REC114: variants seen among roughly 807,000 people sequenced by gnomAD.
REC114 encodes REC114 meiotic recombination protein, also known as meiotic recombination protein REC114.
Under a neutral mutation model 31.3 loss-of-function variants are expected in REC114, and 27 were observed. The ratio of observed to expected loss-of-function variants is 0.86; its 90% CI spans 0.64 to 1.19. The LOEUF is 1.19. Among genes scored for constraint, REC114 ranks in the 50% most tolerant of loss-of-function variants. The pLI is 0.00. For missense variants in REC114, 344 were observed against 326.9 expected (o/e 1.05, Z -0.40); for synonymous variants, 134 against 127.7 (o/e 1.05, Z -0.33).
chr15:73,466,033 T>C (rs1303349993), intron 1 of REC114, among the ~76,000 whole-genome samples: 1 of 151,046 alleles, frequency 6.6e-6, no homozygotes, highest in African/African-American at 2.5e-5. Context: ...TTCATTTTTT[T>C]AGTAGAGACG....
chr15:73,545,772 T>C (rs922248325), intron 3 of REC114, among the ~76,000 whole-genome samples: 1 of 152,222 alleles, frequency 6.6e-6, no homozygotes, highest in Admixed American at 6.5e-5. Flanking sequence ...GTATGCTTAG[T>C]GTCTGCTTGT....
intron 1 of REC114, among the ~76,000 whole-genome samples, chr15:73,445,115 CA>C (rs1204071209): frequency 6.6e-6 from 1 of 152,184 alleles, no homozygotes; most frequent in Non-Finnish European, 1.5e-5. Flanking sequence ...AGATTTAGTA[CA>C]GTTCCTAAGG....
intron 1 of REC114, among the ~76,000 whole-genome samples, chr15:73,453,881 A>G (rs1484778656): frequency 6.7e-6 from 1 of 149,612 alleles, no homozygotes; most frequent in Non-Finnish European, 1.5e-5. Context: ...AGAAAACCAA[A>G]CACTGCATGT....
intron 3 of REC114, among the ~76,000 whole-genome samples, chr15:73,544,289 A>T (rs1347513640): frequency 2.0e-5 from 3 of 152,114 alleles, no homozygotes; most frequent in Admixed American, 2.0e-4. Context: ...GAACCAACAG[A>T]TTCTTCTTTT....
intron 1 of REC114, 145 bp downstream of exon 1, chr15:73,443,489 A>C: frequency 1.1e-6 from 1 of 948,214 alleles, no homozygotes; most frequent in Non-Finnish European, 1.5e-6. Flanking sequence ...GGACAGGCCG[A>C]CAACTAAGAT....
At chr15:73,486,106 CT>C (rs917442456) in intron 2 of REC114, among the ~76,000 whole-genome samples, 12 of 150,770 alleles carry the variant, frequency 8.0e-5, no homozygotes, top group African/African-American at 1.2e-4. Flanking sequence ...ACCTTTTTTC[CT>C]TTTTTTTTGG....
At chr15:73,548,271 G>A (rs1894338009) in intron 3 of REC114, among the ~76,000 whole-genome samples, 1 of 152,166 alleles carries the variant, frequency 6.6e-6, no homozygotes, top group African/African-American at 2.4e-5. Context: ...ACCATGCCCA[G>A]CTAATTATTG....
intron 2 of REC114, among the ~76,000 whole-genome samples, chr15:73,482,418 G>C (rs1054299188): frequency 2.6e-5 from 4 of 152,166 alleles, no homozygotes; most frequent in Admixed American, 6.5e-5. Context: ...TTTGCCTTCT[G>C]CCATGATTGG....
chr15:73,456,114 TGTTA>T (rs1182142250), intron 1 of REC114, among the ~76,000 whole-genome samples: 1 of 152,168 alleles, frequency 6.6e-6, no homozygotes, highest in Non-Finnish European at 1.5e-5. Flanking sequence ...AATGAGCAAA[TGTTA>T]GTTCCTTAGA....
intron 2 of REC114, among the ~76,000 whole-genome samples, chr15:73,517,560 GT>G (rs1197061834): frequency 6.6e-6 from 1 of 152,182 alleles, no homozygotes; most frequent in African/African-American, 2.4e-5. Flanking sequence ...GAAGTTTCTG[GT>G]TTATGCAACT....
intron 1 of REC114, among the ~76,000 whole-genome samples, chr15:73,445,971 CCACA>C (rs1892759180): frequency 6.6e-6 from 1 of 152,106 alleles, no homozygotes; most frequent in Non-Finnish European, 1.5e-5. Flanking sequence ...TGTGGGGTTG[CCACA>C]AACCTTCAAT....
chr15:73,482,500 G>A (rs1180190830), intron 2 of REC114, among the ~76,000 whole-genome samples: 1 of 152,142 alleles, frequency 6.6e-6, no homozygotes, highest in Non-Finnish European at 1.5e-5. Flanking sequence ...GCAGAACTGT[G>A]AAACAAATAA....
In REC114 at chr15:73,537,023, A is replaced by G. The variant is rs968553644; in HGVS notation, c.250-3462A>G. Among the ~76,000 whole-genome samples the G allele has an allele frequency of 2.6e-5, 4 of 152,236 alleles. No individual in the cohort carries two copies. In the East Asian group the frequency reaches 7.7e-4, roughly 29 times the overall value. On this transcript the variant is annotated intron_variant, in intron 2 of 5. Coordinates refer to ENST00000331090, the MANE Select transcript of REC114 (RefSeq NM_001042367.2). ...AGATAGTCTTTTAATTAATTGTAATAAAGTGTTTCATTTATTCACTCAATA... is the reference window on the plus strand; with the variant it reads ...AGATAGTCTTTTAATTAATTGTAATGAAGTGTTTCATTTATTCACTCAATA...
At position 73,556,317 on chromosome 15, in the gene REC114, GAAC is replaced by G. The variant is rs766800551; in HGVS notation, c.567_569del (p.Gln191del). ...TTTATTCCAGTCCCACCAGCACTCAGAACAACAGCAAGTGTGTGTAACAGCGGG... is the reference window on the plus strand; with the variant it reads ...TTTATTCCAGTCCCACCAGCACTCAGAACAGCAAGTGTGTGTAACAGCGGG... On this transcript the variant is annotated inframe_deletion, in exon 5 of 6. Transcript: ENST00000331090. The G allele has an allele frequency of 8.7e-6, 14 of 1,613,582 alleles. No individual in the cohort carries two copies. The highest frequency in any genetic ancestry group is 6.7e-5 in the East Asian group (3 of 44,888).
chr15:73,485,438 G>T (rs1413796033), intron 2 of REC114, among the ~76,000 whole-genome samples: 1 of 152,156 alleles, frequency 6.6e-6, no homozygotes, highest in Non-Finnish European at 1.5e-5. Flanking sequence ...TTGGATCTGA[G>T]TCCTACCCAA....
chr15:73,504,436 G>C (rs570155618), intron 2 of REC114, among the ~76,000 whole-genome samples: 12 of 151,896 alleles, frequency 7.9e-5, no homozygotes, highest in African/African-American at 2.7e-4. Flanking sequence ...TACTGATTTG[G>C]AATGCAACCT....
intron 2 of REC114, among the ~76,000 whole-genome samples, chr15:73,524,919 G>T (rs1595877346): frequency 6.6e-6 from 1 of 152,138 alleles, no homozygotes; most frequent in African/African-American, 2.4e-5. Flanking sequence ...GCTTTCAATG[G>T]AAATTTTTAA....
At chr15:73,464,024 G>C (rs1338433498) in intron 1 of REC114, among the ~76,000 whole-genome samples, 1 of 152,032 alleles carries the variant, frequency 6.6e-6, no homozygotes, top group Non-Finnish European at 1.5e-5. Flanking sequence ...TGCAGTTGTA[G>C]AATATTTCAT....
At chr15:73,509,311 G>T (rs1893729646) in intron 2 of REC114, among the ~76,000 whole-genome samples, 1 of 145,262 alleles carries the variant, frequency 6.9e-6, no homozygotes, top group African/African-American at 2.8e-5. Context: ...TTGTAAATTT[G>T]TTTGAGTTCA....
Sources: allele counts gnomAD v4.1 joint callset (sites outside exome capture counted in the v4.1 genomes callset), GRCh38; gene constraint gnomAD v4.1.1; transcripts MANE v1.5; gene names NCBI Gene and HGNC (gene_info 2026-07-23, HGNC 2026-07-21).